The following CTNNA3 variants were observed in gnomAD, a reference collection of about 807,000 sequenced individuals.
CTNNA3 encodes catenin alpha-3.
Under a neutral mutation model 95.7 loss-of-function variants are expected in CTNNA3, and 76 were observed. The ratio of observed to expected loss-of-function variants is 0.79; its 90% CI spans 0.66 to 0.96. The LOEUF is 0.96. Among genes scored for constraint, CTNNA3 ranks in the 40% least tolerant of loss-of-function variants. CTNNA3 has a pLI of 0.00. For missense variants in CTNNA3, 1,191 were observed against 1,089.8 expected, an observed-to-expected ratio of 1.09 and a Z score of -1.31; for synonymous variants, 431 against 374.4, an observed-to-expected ratio of 1.15 and a Z score of -1.74.
chr10:66,364,858 T>G (rs1339603226), intron 12 of CTNNA3, among the ~76,000 whole-genome samples: 2 of 152,268 alleles, frequency 1.3e-5, no homozygotes, highest in East Asian at 3.9e-4. Context: ...TGGCAATGGT[T>G]ACAGTCCTCT....
At chr10:67,681,649 A>C (rs10997776) in intron 1 of CTNNA3, among the ~76,000 whole-genome samples, 35,778 of 151,868 alleles carry the variant, frequency 0.24, 5,055 homozygotes, top group East Asian at 0.51. Flanking sequence ...TAATAAATTT[A>C]TAATAATTAA....
chr10:67,402,936 G>T (rs577001528), intron 5 of CTNNA3, among the ~76,000 whole-genome samples: 1 of 152,182 alleles, frequency 6.6e-6, no homozygotes, highest in Non-Finnish European at 1.5e-5. Context: ...GCTGAACAGC[G>T]TCCATCTGTG....
At chr10:67,084,721 C>T (rs536313198) in intron 7 of CTNNA3, among the ~76,000 whole-genome samples, 7 of 151,918 alleles carry the variant, frequency 4.6e-5, no homozygotes, top group Admixed American at 6.6e-5. Context: ...TAAATTATTG[C>T]TATTACTCAT....
chr10:67,462,799 A>G (rs1217323153), intron 5 of CTNNA3, among the ~76,000 whole-genome samples: 1 of 152,152 alleles, frequency 6.6e-6, no homozygotes, highest in African/African-American at 2.4e-5. Context: ...CCAGCTGTTG[A>G]CCTAGGGATT....
At chr10:67,335,938 C>T (rs1420656022) in intron 5 of CTNNA3, among the ~76,000 whole-genome samples, 1 of 151,366 alleles carries the variant, frequency 6.6e-6, no homozygotes, top group African/African-American at 2.4e-5. Flanking sequence ...GTGTCAACTG[C>T]TATTTTTCCA....
intron 1 of CTNNA3, among the ~76,000 whole-genome samples, chr10:67,658,279 T>C (rs980072014): frequency 2.6e-5 from 4 of 152,188 alleles, no homozygotes. Context: ...TCTTAAAGAT[T>C]ACCTAAGAAA....
chr10:66,018,736 A>G (rs2079142922), intron 15 of CTNNA3, among the ~76,000 whole-genome samples: 2 of 152,102 alleles, frequency 1.3e-5, no homozygotes, highest in Admixed American at 6.5e-5. Context: ...TATCTGTAAA[A>G]TGAGAGGGTG....
intron 6 of CTNNA3, among the ~76,000 whole-genome samples, chr10:67,210,729 T>TA (rs1311482910): frequency 7.1e-6 from 1 of 139,878 alleles, no homozygotes; most frequent in Non-Finnish European, 1.6e-5. Context: ...CCATACTGCA[T>TA]ATGGGGGGGG....
chr10:66,651,514 G>A (rs1005076563), intron 9 of CTNNA3, among the ~76,000 whole-genome samples: 6 of 152,094 alleles, frequency 3.9e-5, no homozygotes, highest in Admixed American at 3.9e-4. Context: ...AGAGAAGGGG[G>A]CAGCGCCCAT....
At chr10:67,003,542 C>T (rs538422798) in intron 7 of CTNNA3, among the ~76,000 whole-genome samples, 1 of 152,310 alleles carries the variant, frequency 6.6e-6, no homozygotes, top group Non-Finnish European at 1.5e-5. Flanking sequence ...TATTCATATA[C>T]TGAAGGCTCT....
intron 5 of CTNNA3, among the ~76,000 whole-genome samples, chr10:67,353,743 C>T (rs76255185): frequency 0.011 from 1,623 of 151,938 alleles, 21 homozygotes; most frequent in African/African-American, 0.032. Context: ...GGACAGTGCA[C>T]AGAACTCAAT....
At chr10:66,027,694 T>A in intron 15 of CTNNA3, among the ~76,000 whole-genome samples, 1 of 152,252 alleles carries the variant, frequency 6.6e-6, no homozygotes, top group African/African-American at 2.4e-5. Context: ...AGACTCAATT[T>A]AGGATTACAG....
intron 12 of CTNNA3, among the ~76,000 whole-genome samples, chr10:66,374,807 G>A (rs918683101): frequency 1.3e-5 from 2 of 151,574 alleles, no homozygotes; most frequent in African/African-American, 4.8e-5. Context: ...TCTAGAGACG[G>A]GGTTTCACCA....
chr10:66,160,608 C>A (rs1007189113), intron 13 of CTNNA3, among the ~76,000 whole-genome samples: 1 of 151,948 alleles, frequency 6.6e-6, no homozygotes, highest in African/African-American at 2.4e-5. Context: ...ATTATATGGT[C>A]TATCTTGGAG....
rs58370519 is a variant in CTNNA3 at position 66,945,494 on chromosome 10, G to A, written c.1048-169970C>T. ...GGCTTTGACTTAAAGGGAATGTTGT[G>A]GATGGTTTGATCTTCTCTCCAGACC... On this transcript the variant is annotated intron_variant, in intron 7 of 17. Coordinates refer to ENST00000433211, the MANE Select transcript of CTNNA3 (RefSeq NM_013266.4). 4.2e-3 allele frequency among the ~76,000 whole-genome samples: 635 copies of A among 152,226 alleles called. 36 individuals are homozygous for A. In the East Asian group the frequency reaches 0.1, roughly 25 times the overall value.
chr10:66,424,500 T>A (rs911490483), intron 11 of CTNNA3, among the ~76,000 whole-genome samples: 25 of 152,054 alleles, frequency 1.6e-4, no homozygotes, highest in African/African-American at 5.5e-4. Flanking sequence ...TGAAATGAAT[T>A]CTCATTGTCT....
intron 15 of CTNNA3, among the ~76,000 whole-genome samples, chr10:66,038,832 C>G (rs1488908911): frequency 6.6e-6 from 1 of 152,074 alleles, no homozygotes; most frequent in Non-Finnish European, 1.5e-5. Context: ...TGAAAACTAG[C>G]ACAAGAAAAG....
intron 9 of CTNNA3, among the ~76,000 whole-genome samples, chr10:66,677,081 A>G (rs1414906092): frequency 3.3e-5 from 5 of 152,104 alleles, no homozygotes; most frequent in African/African-American, 7.2e-5. Flanking sequence ...CTACTTTACT[A>G]TGGTATTGTG....
chr10:66,524,169 A>G (rs975602595), intron 10 of CTNNA3, among the ~76,000 whole-genome samples: 2 of 152,264 alleles, frequency 1.3e-5, no homozygotes, highest in Admixed American at 1.3e-4. Flanking sequence ...TGGAAATATC[A>G]CCACATACTG....
Sources: allele counts gnomAD v4.1 joint callset (sites outside exome capture counted in the v4.1 genomes callset), GRCh38; gene constraint gnomAD v4.1.1; transcripts MANE v1.5; gene names NCBI Gene and HGNC (gene_info 2026-07-23, HGNC 2026-07-21).